NLRP11: variants seen among roughly 807,000 people sequenced by gnomAD.
NLRP11 encodes NACHT, LRR and PYD domains-containing protein 11.
A neutral mutation model predicts 79.3 loss-of-function variants in NLRP11; 53 were observed. The observed-to-expected ratio is 0.67, with a 90% confidence interval of 0.54 to 0.84. The LOEUF is 0.84. NLRP11 is among the 40% of genes least tolerant of loss of function. The pLI, the probability that NLRP11 is intolerant of heterozygous loss-of-function variation, is 0.00. For missense variants in NLRP11, 1,264 were observed against 1,255.0 expected, an observed-to-expected ratio of 1.01 and a Z score of -0.11; for synonymous variants, 518 against 462.6, an observed-to-expected ratio of 1.12 and a Z score of -1.54.
rs192350634 is a variant in NLRP11, at chr19:55,823,346, C to T, written c.-62-5110G>A. Among the ~76,000 whole-genome samples the T allele has an allele frequency of 1.8e-4, 24 of 135,254 alleles. 1 individual carries two copies. The highest frequency in any genetic ancestry group is 2.3e-4 in the South Asian group (1 of 4,440). The allele number at this position is 135,254 out of a possible 152,430, so 88.7% of individuals were successfully genotyped here. On this transcript the variant is annotated intron_variant, in intron 1 of 9. Transcript: ENST00000589093. ...AACAGAAAAACTGGAAACTCTAAAA[C>T]GCAGAGTGTCTCTCCTCCTCCAAAG...
At chr19:55,834,842 A>G (rs147178444), upstream of NLRP11, among the ~76,000 whole-genome samples, 2 of 152,380 alleles carry the variant, frequency 1.3e-5, no homozygotes, top group East Asian at 1.9e-4. Context: ...ATAAGTGAAA[A>G]GAATCAAGTC....
chr19:55,817,854 T>A, intron 2 of NLRP11, 50 bp downstream of exon 2: 1 of 1,416,028 alleles, frequency 7.1e-7, no homozygotes, highest in Non-Finnish European at 9.5e-7. Context: ...ACACCCAGCT[T>A]CCTGTGAAGT....
chr19:55,800,920 C>T (rs1312767113), intron 5 of NLRP11: 1 of 152,208 alleles, frequency 6.6e-6, no homozygotes, highest in Non-Finnish European at 1.5e-5. Context: ...TGGCTCACAC[C>T]TGTAATCTCA....
intron 1 of NLRP11, among the ~76,000 whole-genome samples, chr19:55,821,936 G>T (rs1392619371): frequency 6.6e-6 from 1 of 152,222 alleles, no homozygotes; most frequent in Non-Finnish European, 1.5e-5. Flanking sequence ...CAAGAGGTCA[G>T]TTCTTTTCGT....
At chr19:55,833,243 T>C (rs1366825590), upstream of NLRP11, among the ~76,000 whole-genome samples, 1 of 152,190 alleles carries the variant, frequency 6.6e-6, no homozygotes, top group Non-Finnish European at 1.5e-5. Context: ...CAGGAATTAT[T>C]ATTATGAAGA....
rs1282720352 is a variant in NLRP11 at position 55,809,178 on chromosome 19, A to T, written c.1432T>A (p.Tyr478Asn). 6.2e-7 allele frequency: 1 copy of T among 1,613,678 alleles called. No homozygotes were observed. Among genetic ancestry groups the T allele is most frequent in the Non-Finnish European group, 8.5e-7 (1 of 1,179,692 alleles). The change falls in exon 3 of 10, where the codon TAT (tyrosine) becomes AAT (asparagine). Residue 478 changes from tyrosine (Y) to asparagine (N), a missense_variant. By Grantham distance (143) the Tyr-to-Asn change is moderately radical (BLOSUM62 -2). Coordinates refer to ENST00000589093, the Ensembl canonical transcript of NLRP11. The surrounding 1 kb of genome is among the most constrained non-coding windows in gnomAD (Gnocchi z 4.5). ...GAGTATTGTTCTCTCTTCTCTTTAT[A>T]CTCTCTGCTGCCTGAGGGGATCAGA...
At chr19:55,822,514 A>T (rs1981852232) in intron 1 of NLRP11, among the ~76,000 whole-genome samples, 1 of 151,994 alleles carries the variant, frequency 6.6e-6, no homozygotes. Flanking sequence ...GGTTCATCTC[A>T]CTAGGGAGTG....
chr19:55,795,993 T>G, intron 6 of NLRP11, 87 bp downstream of exon 6: 1 of 1,241,410 alleles, frequency 8.1e-7, no homozygotes. Flanking sequence ...TTGCTGTCCC[T>G]TTCCCCACCA....
intron 1 of NLRP11, among the ~76,000 whole-genome samples, chr19:55,819,125 CTACA>C (rs1179447465): frequency 2.1e-5 from 2 of 95,838 alleles, no homozygotes; most frequent in African/African-American, 3.5e-5. Context: ...GTGGTATCGC[CTACA>C]CACACACACA....
chr19:55,799,513 C>A (rs1231528212), intron 5 of NLRP11, among the ~76,000 whole-genome samples: 1 of 151,882 alleles, frequency 6.6e-6, no homozygotes, highest in Non-Finnish European at 1.5e-5. Context: ...TTGGGAAAAA[C>A]CAAAGGCCAA....
intron 2 of NLRP11, among the ~76,000 whole-genome samples, chr19:55,814,395 C>T (rs1466012136): frequency 6.6e-6 from 1 of 151,980 alleles, no homozygotes; most frequent in Non-Finnish European, 1.5e-5. Flanking sequence ...TTTGAATTAT[C>T]CCCAAACCAT....
intron 2 of NLRP11, among the ~76,000 whole-genome samples, chr19:55,814,580 C>A (rs750399497): frequency 2.7e-5 from 3 of 112,128 alleles, no homozygotes; most frequent in Non-Finnish European, 5.0e-5. Context: ...AACCATGCAA[C>A]TAAAAAAAAA....
At chr19:55,819,538 G>A (rs1267725395) in intron 1 of NLRP11, among the ~76,000 whole-genome samples, 2 of 152,158 alleles carry the variant, frequency 1.3e-5, no homozygotes, top group Non-Finnish European at 1.5e-5. Flanking sequence ...GGCTCTCAGA[G>A]TTTATGACAA....
At chr19:55,795,158 G>T (rs1258869987) in intron 6 of NLRP11, among the ~76,000 whole-genome samples, 1 of 151,956 alleles carries the variant, frequency 6.6e-6, no homozygotes, top group Non-Finnish European at 1.5e-5. Context: ...CTTTCATCGT[G>T]TTTGCCATGC....
intron 1 of NLRP11, among the ~76,000 whole-genome samples, chr19:55,831,223 C>A (rs1319749510): frequency 1.3e-5 from 2 of 150,196 alleles, no homozygotes; most frequent in South Asian, 4.3e-4. Context: ...CCTCCTATCT[C>A]CTTCCTTTCG....
At chr19:55,808,315 A>G (rs1336301853) in intron 3 of NLRP11, among the ~76,000 whole-genome samples, 1 of 152,306 alleles carries the variant, frequency 6.6e-6, no homozygotes, top group Admixed American at 6.5e-5. Context: ...TATCATGAAT[A>G]CTCCTATAAT....
intron 6 of NLRP11, among the ~76,000 whole-genome samples, chr19:55,794,432 A>C (rs1978600387): frequency 6.6e-6 from 1 of 152,156 alleles, no homozygotes; most frequent in Non-Finnish European, 1.5e-5. Context: ...TACTGGATTT[A>C]TCTGGGGCCA....
intron 1 of NLRP11, among the ~76,000 whole-genome samples, chr19:55,823,012 T>A (rs1011012049): frequency 6.6e-6 from 1 of 151,076 alleles, no homozygotes; most frequent in Admixed American, 6.6e-5. Context: ...TAAATGTCCC[T>A]GTCTGACAGC....
chr19:55,789,707 G>A (rs1056665032), intron 7 of NLRP11, among the ~76,000 whole-genome samples: 4 of 152,234 alleles, frequency 2.6e-5, no homozygotes, highest in Non-Finnish European at 5.9e-5. Flanking sequence ...CTACACCGTT[G>A]CAATACTGAG....
Sources: allele counts gnomAD v4.1 joint callset (sites outside exome capture counted in the v4.1 genomes callset), GRCh38; gene constraint gnomAD v4.1.1; non-coding constraint Gnocchi (gnomAD v3.1); transcripts MANE v1.5; gene names NCBI Gene and HGNC (gene_info 2026-07-23, HGNC 2026-07-21).